EFCAB5: variants seen among roughly 807,000 people sequenced by gnomAD.
The protein encoded by EFCAB5 is EF-hand calcium-binding domain-containing protein 5.
Under a neutral mutation model 167.9 loss-of-function variants are expected in EFCAB5, and 131 were observed. The ratio of observed to expected loss-of-function variants is 0.78; its 90% CI spans 0.68 to 0.90. The LOEUF is 0.90. EFCAB5 is among the 40% of genes least tolerant of loss of function. The pLI is 0.00. For missense variants in EFCAB5, 1,663 were observed against 1,745.2 expected, an observed-to-expected ratio of 0.95 and a Z score of 0.84; for synonymous variants, 574 against 602.8, an observed-to-expected ratio of 0.95 and a Z score of 0.70.
chr17:30,073,257 G>A, intron 14 of EFCAB5: 2 of 625,852 alleles, frequency 3.2e-6, no homozygotes, highest in Non-Finnish European at 5.8e-6. Flanking sequence ...GGGTCTCTCT[G>A]TGTTGCCCAT....
intron 2 of EFCAB5, among the ~76,000 whole-genome samples, chr17:29,942,954 C>A (rs2067323020): frequency 6.6e-6 from 1 of 152,046 alleles, no homozygotes; most frequent in Non-Finnish European, 1.5e-5. Flanking sequence ...AAGATAATCA[C>A]TTTAACCCAG....
At chr17:29,987,048 T>C (rs1392737238) in intron 4 of EFCAB5, among the ~76,000 whole-genome samples, 2 of 152,198 alleles carry the variant, frequency 1.3e-5, no homozygotes, top group African/African-American at 4.8e-5. Flanking sequence ...TTGATAAATA[T>C]GCCCAATAAG....
At chr17:29,988,535 A>C (rs914710166) in intron 4 of EFCAB5, among the ~76,000 whole-genome samples, 6 of 152,346 alleles carry the variant, frequency 3.9e-5, no homozygotes, top group African/African-American at 1.4e-4. Context: ...AGCACCTTCA[A>C]TTGGTTTAAA....
intron 7 of EFCAB5, among the ~76,000 whole-genome samples, chr17:30,015,344 T>C (rs1237854756): frequency 6.6e-6 from 1 of 152,220 alleles, no homozygotes; most frequent in African/African-American, 2.4e-5. Flanking sequence ...AATGTTGGCC[T>C]GCCTTGCTAG....
chr17:30,079,976 C>G (rs993449101), intron 15 of EFCAB5, 96 bp from the exon 16 acceptor site: 1 of 1,418,808 alleles, frequency 7.0e-7, no homozygotes, highest in Non-Finnish European at 9.5e-7. Flanking sequence ...AATGAAACTA[C>G]TGGGGCAAGA....
intron 8 of EFCAB5, among the ~76,000 whole-genome samples, chr17:30,047,045 G>A (rs990200180): frequency 4.6e-5 from 7 of 152,112 alleles, no homozygotes; most frequent in African/African-American, 1.7e-4. Context: ...ACTTTGGATT[G>A]CCTCAAATTT....
At chr17:29,964,570 G>A (rs1015094765) in intron 3 of EFCAB5, among the ~76,000 whole-genome samples, 4 of 152,240 alleles carry the variant, frequency 2.6e-5, no homozygotes, top group Middle Eastern at 3.4e-3. Context: ...TGGGATTACA[G>A]GTGTGAGCCA....
intron 7 of EFCAB5, among the ~76,000 whole-genome samples, chr17:30,019,528 C>G (rs558211703): frequency 3.2e-4 from 48 of 151,714 alleles, no homozygotes; most frequent in African/African-American, 9.4e-4. Flanking sequence ...TCACTGCAAC[C>G]TCCGCCTTCC....
At chr17:29,943,016 C>A (rs2067324516) in intron 2 of EFCAB5, among the ~76,000 whole-genome samples, 1 of 148,344 alleles carries the variant, frequency 6.7e-6, no homozygotes, top group South Asian at 2.2e-4. Flanking sequence ...CCAGCCTGGG[C>A]AACAGAGTGA....
chr17:30,052,151 T>G (rs2070117315), intron 9 of EFCAB5, among the ~76,000 whole-genome samples: 1 of 152,004 alleles, frequency 6.6e-6, no homozygotes, highest in South Asian at 2.1e-4. Flanking sequence ...GGTATTGTAC[T>G]GGCTGAGTTT....
At chr17:29,947,172 CAAAAAAAA>C (rs71278523) in intron 3 of EFCAB5, among the ~76,000 whole-genome samples, 6 of 66,864 alleles carry the variant, frequency 9.0e-5, no homozygotes, top group African/African-American at 3.5e-4. Flanking sequence ...GACTCCATCT[CAAAAAAAA>C]AAAAAAAGAA....
intron 17 of EFCAB5, among the ~76,000 whole-genome samples, chr17:30,081,250 C>G (rs2070982914): frequency 6.6e-6 from 1 of 152,172 alleles, no homozygotes; most frequent in African/African-American, 2.4e-5. Context: ...TGCTACAGAA[C>G]AGAAATCCAA....
chr17:30,091,735 T>G (rs1194292416), intron 20 of EFCAB5, 136 bp from the exon 21 acceptor site: 2 of 979,736 alleles, frequency 2.0e-6, no homozygotes, highest in Non-Finnish European at 2.9e-6. Context: ...TGAGATTGTT[T>G]AAAACCAAAG....
chr17:30,083,709 C>G (rs2071034442), intron 18 of EFCAB5, among the ~76,000 whole-genome samples: 1 of 152,202 alleles, frequency 6.6e-6, no homozygotes, highest in Non-Finnish European at 1.5e-5. Flanking sequence ...CCACCTCAGC[C>G]TCCCAAAATG....
chr17:30,106,134 T>C lies in EFCAB5; in HGVS notation c.4322-1700T>C, dbSNP rs373027698. On this transcript the variant is annotated intron_variant, in intron 22 of 22. Transcript: ENST00000394835. ...TGATATTTAAAAGCTTTTACTCAAT[T>C]AAAAAAAAAGCCAGGTGCAGTGGCT... Among the ~76,000 whole-genome samples the C allele has an allele frequency of 1.4e-4, 21 of 150,618 alleles. No homozygotes were observed. The East Asian group carries it at 2.5e-3, about 18-fold the overall frequency.
intron 8 of EFCAB5, among the ~76,000 whole-genome samples, chr17:30,036,516 A>G (rs1329477233): frequency 6.6e-6 from 1 of 151,168 alleles, no homozygotes; most frequent in African/African-American, 2.4e-5. Flanking sequence ...TACAGCCTCT[A>G]CCTTCTGGGT....
At chr17:29,977,368 T>TA (rs965852781) in intron 4 of EFCAB5, among the ~76,000 whole-genome samples, 1 of 152,106 alleles carries the variant, frequency 6.6e-6, no homozygotes, top group Non-Finnish European at 1.5e-5. Flanking sequence ...TTTTAAGCAG[T>TA]AAAAAAAGAA....
intron 8 of EFCAB5, among the ~76,000 whole-genome samples, chr17:30,035,984 A>T (rs1383044267): frequency 6.7e-6 from 1 of 149,894 alleles, no homozygotes; most frequent in Non-Finnish European, 1.5e-5. Context: ...AAAATGCATA[A>T]CATAATGACT....
intron 4 of EFCAB5, among the ~76,000 whole-genome samples, chr17:29,976,047 G>A (rs1314667398): frequency 3.3e-5 from 5 of 152,148 alleles, no homozygotes; most frequent in African/African-American, 9.7e-5. Flanking sequence ...ATCTGTTCTT[G>A]CAGTGCAATA....
Sources: allele counts gnomAD v4.1 joint callset (sites outside exome capture counted in the v4.1 genomes callset), GRCh38; gene constraint gnomAD v4.1.1; transcripts MANE v1.5; gene names NCBI Gene and HGNC (gene_info 2026-07-23, HGNC 2026-07-21).